The following AK5 variants were observed in gnomAD, a reference collection of about 807,000 sequenced individuals.
AK5 encodes the protein adenylate kinase isoenzyme 5.
A neutral mutation model predicts 69.5 loss-of-function variants in AK5; 27 were observed. The observed-to-expected ratio is 0.39, with a 90% CI of 0.29 to 0.54. The LOEUF is 0.54. Ranked by LOEUF, AK5 falls within the 20% of genes least tolerant of loss-of-function variation. The pLI is 0.71. For missense variants in AK5, 531 were observed against 700.4 expected, an observed-to-expected ratio of 0.76 and a Z score of 2.73; for synonymous variants, 260 against 244.4, an observed-to-expected ratio of 1.06 and a Z score of -0.60.
At chr1:77,308,744 C>T (rs980689746) in intron 5 of AK5, among the ~76,000 whole-genome samples, 3 of 151,856 alleles carry the variant, frequency 2.0e-5, no homozygotes, top group South Asian at 2.1e-4. Context: ...AGCTCCATGA[C>T]GTTATTATTG....
At chr1:77,375,314 G>A (rs969186254) in intron 6 of AK5, among the ~76,000 whole-genome samples, 7 of 152,160 alleles carry the variant, frequency 4.6e-5, no homozygotes, top group African/African-American at 9.7e-5. Context: ...GCCCATTTAC[G>A]TGCTGTGTTG....
At position 77,346,978 on chromosome 1, in the gene AK5, T is replaced by C. The variant is rs527858093; in HGVS notation, c.891+6410T>C. 5.1e-4 allele frequency among the ~76,000 whole-genome samples: 78 copies of C among 152,350 alleles called. 1 individual carries two copies. The South Asian group carries it at 0.016, about 31-fold the overall frequency. ...GTTGATGAGTTTGTAATGTGTTACATAATGAAGCTGTATTTCCTTTGAGTA... is the reference window on the plus strand; with the variant it reads ...GTTGATGAGTTTGTAATGTGTTACACAATGAAGCTGTATTTCCTTTGAGTA... On this transcript the variant is annotated intron_variant, in intron 6 of 13. Coordinates refer to ENST00000354567, the MANE Select transcript of AK5 (RefSeq NM_174858.3).
chr1:77,400,985 G>C (rs1452936543), intron 6 of AK5, among the ~76,000 whole-genome samples: 1 of 149,776 alleles, frequency 6.7e-6, no homozygotes, highest in Admixed American at 6.7e-5. Context: ...GTTCAGCAGG[G>C]CTGTACCACA....
intron 10 of AK5, among the ~76,000 whole-genome samples, chr1:77,487,574 A>G (rs1655682189): frequency 6.6e-6 from 1 of 152,228 alleles, no homozygotes; most frequent in Admixed American, 6.5e-5. Flanking sequence ...ATATAATCAG[A>G]TAAACTTAAG....
At chr1:77,444,324 A>ATATATAGTATAAATATATAC (rs1652564918) in intron 8 of AK5, among the ~76,000 whole-genome samples, 1 of 53,692 alleles carries the variant, frequency 1.9e-5, no homozygotes, top group African/African-American at 7.6e-5. Context: ...ATATATGTGT[A>ATATATAGTATAAATATATAC]TATATATAGT....
chr1:77,340,326 T>C (rs756820077), intron 5 of AK5, 51 bp from the exon 6 acceptor site: 2 of 1,526,142 alleles, frequency 1.3e-6, no homozygotes. Flanking sequence ...TGCCCACACA[T>C]GCATTAGTTG....
chr1:77,539,189 C>G (rs1659141717), intron 13 of AK5, among the ~76,000 whole-genome samples: 1 of 152,234 alleles, frequency 6.6e-6, no homozygotes, highest in South Asian at 2.1e-4. Context: ...GCACGGATGA[C>G]TCCACGTTGG....
In AK5 at chr1:77,297,747, C is replaced by T; in HGVS notation, c.585+19C>T. 1 of 1,606,072 alleles carries T rather than the reference C, an allele frequency of 6.2e-7. No individual in the cohort carries two copies. The highest frequency in any genetic ancestry group is 8.5e-7 in the Non-Finnish European group (1 of 1,177,208). Reference sequence around the variant, plus strand: ...CCCACAGGTACTGCTGTATAATTATCTTTTATTCTGCAAAATGTTTTCATA... The same window carrying T: ...CCCACAGGTACTGCTGTATAATTATTTTTTATTCTGCAAAATGTTTTCATA... On this transcript the variant is annotated intron_variant, in intron 4 of 13. Coordinates refer to ENST00000354567, the MANE Select transcript of AK5 (RefSeq NM_174858.3).
chr1:77,518,208 T>G (rs577905352), intron 10 of AK5, among the ~76,000 whole-genome samples: 1 of 152,228 alleles, frequency 6.6e-6, no homozygotes, highest in Non-Finnish European at 1.5e-5. Flanking sequence ...ACTTTGCATC[T>G]CTACCAAAAC....
At position 77,512,951 on chromosome 1, in the gene AK5, C is replaced by G. The variant is rs148983820; in HGVS notation, c.1148-5613C>G. Among the ~76,000 whole-genome samples the G allele has an allele frequency of 1.2e-4, 18 of 152,252 alleles. No individual in the cohort carries two copies. The East Asian group carries it at 2.1e-3, about 18-fold the overall frequency. On this transcript the variant is annotated intron_variant, in intron 10 of 13. Transcript: ENST00000354567. ...GGTATGGGAGATGAGGAGGGAGACCCTAAAGTGGAATGAGGCAGAAAGTTG... is the reference window on the plus strand; with the variant it reads ...GGTATGGGAGATGAGGAGGGAGACCGTAAAGTGGAATGAGGCAGAAAGTTG...
chr1:77,423,219 T>A (rs1173368318), intron 8 of AK5, among the ~76,000 whole-genome samples: 4 of 88,708 alleles, frequency 4.5e-5, no homozygotes, highest in African/African-American at 9.0e-5. Flanking sequence ...AGACTCCGTC[T>A]AAAAAAAAAA....
At chr1:77,403,461 A>G (rs898165238) in intron 6 of AK5, among the ~76,000 whole-genome samples, 2 of 152,034 alleles carry the variant, frequency 1.3e-5, no homozygotes, top group Non-Finnish European at 1.5e-5. Flanking sequence ...TCCATCTTGA[A>G]TTAATTTTTG....
At chr1:77,287,208 G>T in intron 2 of AK5, 81 bp downstream of exon 2, 1 of 1,052,400 alleles carries the variant, frequency 9.5e-7, no homozygotes. Context: ...TATACACAGT[G>T]ATTTCATTTT....
At chr1:77,314,540 A>G (rs929568447) in intron 5 of AK5, 1 of 152,632 alleles carries the variant, frequency 6.6e-6, no homozygotes, top group Non-Finnish European at 1.5e-5. Context: ...TCATATATTT[A>G]TGGAGTACAG....
chr1:77,438,178 AT>A (rs1185675274), intron 8 of AK5, among the ~76,000 whole-genome samples: 3 of 151,534 alleles, frequency 2.0e-5, no homozygotes, highest in Admixed American at 6.6e-5. Context: ...AAATTAGGTT[AT>A]TTTAATACAA....
At chr1:77,312,087 G>A (rs557058828) in intron 5 of AK5, among the ~76,000 whole-genome samples, 1 of 152,250 alleles carries the variant, frequency 6.6e-6, no homozygotes, top group East Asian at 1.9e-4. Context: ...TAAGTCCATG[G>A]TAGCAGAAGT....
At chr1:77,340,262 A>T in intron 5 of AK5, 115 bp from the exon 6 acceptor site, 1 of 1,047,794 alleles carries the variant, frequency 9.5e-7, no homozygotes, top group African/African-American at 1.6e-5. Context: ...TGTCAAAAAC[A>T]TAGAGGGCCA....
chr1:77,401,836 G>C (rs1295095753), intron 6 of AK5, among the ~76,000 whole-genome samples: 1 of 152,038 alleles, frequency 6.6e-6, no homozygotes, highest in Non-Finnish European at 1.5e-5. Flanking sequence ...TTTGAAAGTT[G>C]TTACTGCATT....
At chr1:77,465,152 G>T (rs550217390) in intron 8 of AK5, among the ~76,000 whole-genome samples, 1 of 152,202 alleles carries the variant, frequency 6.6e-6, no homozygotes, top group South Asian at 2.1e-4. Context: ...CTCTTCCTGG[G>T]ATATAGTTTT....
Sources: gnomAD v4.1 joint callset for allele counts (sites outside exome capture counted in the v4.1 genomes callset) on GRCh38, gnomAD v4.1.1 for gene constraint, MANE v1.5 for transcripts, NCBI Gene and HGNC (gene_info 2026-07-23, HGNC 2026-07-21) for gene names.